Variants in CCDC33 observed in about 807,000 individuals in gnomAD.
CCDC33 encodes the protein coiled-coil domain-containing protein 33.
Under a neutral mutation model 91.9 loss-of-function variants are expected in CCDC33, and 94 were observed. The ratio of observed to expected loss-of-function variants is 1.02; its 90% CI spans 0.87 to 1.21. CCDC33 has a LOEUF of 1.21. Among genes scored for constraint, CCDC33 ranks in the 50% most tolerant of loss-of-function variants. The pLI, the probability that CCDC33 is intolerant of heterozygous loss-of-function variation, is 0.00. For synonymous variants in CCDC33, 396 were observed against 374.5 expected, an observed-to-expected ratio of 1.06 and a Z score of -0.66; for missense variants, 940 against 935.5, an observed-to-expected ratio of 1.00 and a Z score of -0.06.
chr15:74,218,886 C>T lies in CCDC33; in HGVS notation c.675+25C>T, dbSNP rs2074516414. 8.3e-7 allele frequency: 1 copy of T among 1,209,998 alleles called. No homozygotes were observed. The highest frequency in any genetic ancestry group is 1.6e-5 in the African/African-American group (1 of 63,376). The allele number at this position is 1,209,998 out of a possible 1,614,324, so 75.0% of individuals were successfully genotyped here. Reference sequence around the variant, plus strand: ...GGTGGGTGCTTCCCTGGTCCCAGTTCAGGTTCTGGGCTCACCGGGTACAAG... The same window carrying T: ...GGTGGGTGCTTCCCTGGTCCCAGTTTAGGTTCTGGGCTCACCGGGTACAAG... On this transcript the variant is annotated intron_variant, in intron 2 of 2. Coordinates refer to the CCDC33 transcript ENST00000635913. This position sits in a 1 kb window ranked among gnomAD's most constrained non-coding sequence, Gnocchi z 4.8.
intron 10 of CCDC33, among the ~76,000 whole-genome samples, chr15:74,288,882 C>G (rs1391209568): frequency 1.3e-5 from 2 of 152,168 alleles, no homozygotes; most frequent in Non-Finnish European, 2.9e-5. Context: ...TTTCACTGTT[C>G]TCATCCATAA....
chr15:74,282,332 T>C (rs2059385181), intron 10 of CCDC33, among the ~76,000 whole-genome samples: 1 of 152,082 alleles, frequency 6.6e-6, no homozygotes, highest in Non-Finnish European at 1.5e-5. Flanking sequence ...ACAATCCAGT[T>C]CCCTGCAGTG....
At chr15:74,261,218 A>C (rs2629734) in intron 2 of CCDC33, among the ~76,000 whole-genome samples, 150,603 of 152,290 alleles carry the variant, frequency 0.99, 74,505 homozygotes, top group East Asian at 1. Context: ...CCCACAGAAG[A>C]AGGGCTCCTG....
chr15:74,261,721 T>C (rs1318009088), intron 2 of CCDC33, among the ~76,000 whole-genome samples: 1 of 152,070 alleles, frequency 6.6e-6, no homozygotes, highest in Non-Finnish European at 1.5e-5. Flanking sequence ...ATCTGTGGGG[T>C]GCACTGGGAT....
At chr15:74,283,356 A>T (rs964207127) in intron 10 of CCDC33, among the ~76,000 whole-genome samples, 1 of 152,098 alleles carries the variant, frequency 6.6e-6, no homozygotes, top group Non-Finnish European at 1.5e-5. Context: ...TCCACTGGGC[A>T]TGTGTATCCT....
At chr15:74,321,942 C>T (rs1198917615) in intron 11 of CCDC33, among the ~76,000 whole-genome samples, 1 of 152,012 alleles carries the variant, frequency 6.6e-6, no homozygotes, top group African/African-American at 2.4e-5. Context: ...GAGTGCCAGG[C>T]TGGTGTAGGC....
intron 1 of CCDC33, chr15:74,207,907 G>A (rs938804767): frequency 6.7e-7 from 1 of 1,483,096 alleles, no homozygotes; most frequent in South Asian, 1.3e-5. Context: ...CGGCTGCCGT[G>A]CTCACGGCAG....
intron 11 of CCDC33, among the ~76,000 whole-genome samples, chr15:74,308,115 C>A (rs890745216): frequency 1.3e-5 from 2 of 152,150 alleles, no homozygotes; most frequent in Non-Finnish European, 2.9e-5. Flanking sequence ...TGACTCCTCA[C>A]CCCATGGGAA....
At chr15:74,318,089 G>T (rs539072365) in intron 11 of CCDC33, among the ~76,000 whole-genome samples, 53 of 151,390 alleles carry the variant, frequency 3.5e-4, no homozygotes, top group Middle Eastern at 3.4e-3. Context: ...GCTGCTGCGG[G>T]GTGGGGAGGA....
At chr15:74,235,232 C>T (rs1239642330), upstream of CCDC33, among the ~76,000 whole-genome samples, 1 of 152,222 alleles carries the variant, frequency 6.6e-6, no homozygotes, top group Non-Finnish European at 1.5e-5. Flanking sequence ...CATCCCCCAC[C>T]AGTGTCTGGG....
intron 9 of CCDC33, 50 bp downstream of exon 9, chr15:74,280,851 C>T: frequency 7.2e-7 from 1 of 1,383,694 alleles, no homozygotes; most frequent in Non-Finnish European, 9.4e-7. Context: ...CCTGGCCCCA[C>T]CCTGCCTCAC....
Position 74,335,532 on chromosome 15 carries a change from C to G in CCDC33, c.2140-393C>G, listed in dbSNP as rs573299659. On this transcript the variant is annotated intron_variant, in intron 18 of 18. Coordinates refer to ENST00000398814, the MANE Select transcript of CCDC33 (RefSeq NM_025055.5). Reference sequence around the variant, plus strand: ...TGTAGGCTCCACTTTGCCAACTTCCCGAGAACAAACAGGCCTGCTCACAAC... The same window carrying G: ...TGTAGGCTCCACTTTGCCAACTTCCGGAGAACAAACAGGCCTGCTCACAAC... 8.9e-5 allele frequency: 32 copies of G among 360,498 alleles called. 1 individual carries two copies. In the Admixed American group the frequency reaches 1.1e-3, roughly 13 times the overall value. 22.3% of individuals were successfully genotyped at this position (360,498 alleles called of 1,614,324 possible).
chr15:74,286,426 A>T lies in CCDC33; in HGVS notation c.1095+4577A>T, dbSNP rs76485001. ...CCAGGCAAAGCAGCTTGGCTCTCTT[A>T]ATGAACTGGTTTCGAGATCCCACAG... is the stretch of plus-strand genomic sequence containing the variant. On this transcript the variant is annotated intron_variant, in intron 10 of 18. Coordinates refer to ENST00000398814, the MANE Select transcript of CCDC33 (RefSeq NM_025055.5). Among the ~76,000 whole-genome samples, 102 of 152,092 alleles carry T rather than the reference A, an allele frequency of 6.7e-4. 1 individual carries two copies. Among genetic ancestry groups the T allele is most frequent in the African/African-American group, 2.4e-3 (99 of 41,506 alleles).
At chr15:74,313,863 G>C (rs1022659601) in intron 11 of CCDC33, among the ~76,000 whole-genome samples, 1 of 152,120 alleles carries the variant, frequency 6.6e-6, no homozygotes, top group Non-Finnish European at 1.5e-5. Flanking sequence ...AGTCCACTTT[G>C]CCTGCCTATA....
intron 2 of CCDC33, chr15:74,221,686 C>G (rs950169504): frequency 6.6e-6 from 1 of 152,240 alleles, no homozygotes; most frequent in Non-Finnish European, 1.5e-5. Context: ...ACTCCCTGAG[C>G]CCTTGACCCA....
At chr15:74,212,427 C>T (rs2074377016), upstream of CCDC33, 1 of 152,288 alleles carries the variant, frequency 6.6e-6, no homozygotes, top group Non-Finnish European at 1.5e-5. Context: ...AGCTCCTGCT[C>T]AGCTGGAGGT....
intron 4 of CCDC33, among the ~76,000 whole-genome samples, 168 bp downstream of exon 4, chr15:74,266,955 T>A (rs1017941846): frequency 6.6e-6 from 1 of 151,052 alleles, no homozygotes; most frequent in Admixed American, 6.6e-5. Context: ...TACACAGGAA[T>A]GGTGTCTACA....
chr15:74,226,655 C>T (rs966043416), intron 2 of CCDC33, among the ~76,000 whole-genome samples: 25 of 151,976 alleles, frequency 1.6e-4, no homozygotes, highest in African/African-American at 5.6e-4. Context: ...GGTGAAACCC[C>T]GTCTCTACTG....
At chr15:74,207,756 G>A in intron 1 of CCDC33, 2 of 1,535,738 alleles carry the variant, frequency 1.3e-6, no homozygotes, top group East Asian at 2.4e-5. Context: ...TCAACCTCAT[G>A]CGGGCCCGTG....
Sources: allele counts gnomAD v4.1 joint callset (sites outside exome capture counted in the v4.1 genomes callset), GRCh38; gene constraint gnomAD v4.1.1; non-coding constraint Gnocchi (gnomAD v3.1); transcripts MANE v1.5; gene names NCBI Gene and HGNC (gene_info 2026-07-23, HGNC 2026-07-21).